CCSER1: variants seen among roughly 807,000 people sequenced by gnomAD.
The protein encoded by CCSER1 is coiled-coil serine rich protein 1, also known as serine-rich coiled-coil domain-containing protein 1.
A neutral mutation model predicts 82.0 loss-of-function variants in CCSER1; 41 were observed. That is an observed-to-expected ratio of 0.50 (90% CI 0.39 to 0.65). The LOEUF is 0.65. CCSER1 is among the 30% of genes least tolerant of loss of function. CCSER1 has a pLI of 0.00. For missense variants in CCSER1, 1,119 were observed against 1,064.2 expected (o/e 1.05, Z -0.72); for synonymous variants, 414 against 383.9 (o/e 1.08, Z -0.92).
At chr4:90,295,564 T>A (rs1157489236) in intron 1 of CCSER1, among the ~76,000 whole-genome samples, 3 of 152,106 alleles carry the variant, frequency 2.0e-5, no homozygotes, top group Admixed American at 2.0e-4. Context: ...GTATTTTAAA[T>A]ATATATTCAT....
chr4:90,621,971 C>G (rs1200828347), intron 5 of CCSER1, among the ~76,000 whole-genome samples: 1 of 152,174 alleles, frequency 6.6e-6, no homozygotes, highest in Non-Finnish European at 1.5e-5. Context: ...ATAATTATTT[C>G]TATTTTGCTT....
intron 5 of CCSER1, among the ~76,000 whole-genome samples, chr4:90,492,163 G>T (rs1366116239): frequency 6.6e-6 from 1 of 151,998 alleles, no homozygotes; most frequent in African/African-American, 2.4e-5. Flanking sequence ...TTTTTTGGTT[G>T]GTAGGCTGTT....
intron 10 of CCSER1, among the ~76,000 whole-genome samples, chr4:91,132,413 T>G (rs1310375605): frequency 6.6e-6 from 1 of 152,196 alleles, no homozygotes; most frequent in Non-Finnish European, 1.5e-5. Flanking sequence ...AAATCGACAC[T>G]GGGATATGCA....
At chr4:91,496,614 A>ATATT (rs1358637665) in intron 10 of CCSER1, among the ~76,000 whole-genome samples, 239 of 17,914 alleles carry the variant, frequency 0.013, 52 homozygotes, top group Middle Eastern at 0.038. Context: ...ATATATATAT[A>ATATT]CACGAATATA....
intron 10 of CCSER1, among the ~76,000 whole-genome samples, chr4:91,206,305 T>C (rs1183547262): frequency 2.0e-5 from 3 of 151,938 alleles, no homozygotes; most frequent in Non-Finnish European, 4.4e-5. Context: ...CATTCTTGTA[T>C]GCTTAACAAC....
chr4:91,479,282 G>A (rs561864739), intron 10 of CCSER1, among the ~76,000 whole-genome samples: 76 of 151,484 alleles, frequency 5.0e-4, no homozygotes, highest in Admixed American at 2.6e-3. Flanking sequence ...AAAGCGATGG[G>A]ATTACATGGA....
chr4:91,408,289 A>C (rs1752822050), intron 10 of CCSER1, among the ~76,000 whole-genome samples: 1 of 152,218 alleles, frequency 6.6e-6, no homozygotes, highest in Admixed American at 6.5e-5. Flanking sequence ...TGTCTATGGA[A>C]ATAGTAAAAT....
chr4:91,571,237 A>G (rs1296410169), intron 10 of CCSER1, among the ~76,000 whole-genome samples: 1 of 152,180 alleles, frequency 6.6e-6, no homozygotes, highest in African/African-American at 2.4e-5. Flanking sequence ...GGACATTCCA[A>G]ACTTTCTCAC....
chr4:91,204,722 A>G (rs1348710643), intron 10 of CCSER1, among the ~76,000 whole-genome samples: 5 of 151,816 alleles, frequency 3.3e-5, no homozygotes, highest in Admixed American at 6.6e-5. Flanking sequence ...TTTTTCTTCA[A>G]CTGAACATCA....
intron 5 of CCSER1, among the ~76,000 whole-genome samples, chr4:90,478,731 C>CT (rs59376887): frequency 0.063 from 8,447 of 133,180 alleles, 288 homozygotes; most frequent in Middle Eastern, 0.11. Flanking sequence ...TTCTTTCTTT[C>CT]TTTTTTTTTT....
intron 1 of CCSER1, among the ~76,000 whole-genome samples, chr4:90,292,157 C>T (rs1304352330): frequency 1.3e-5 from 2 of 151,794 alleles, no homozygotes; most frequent in Non-Finnish European, 2.9e-5. Context: ...TCATTTTGCT[C>T]TTTTTTTCCT....
intron 10 of CCSER1, among the ~76,000 whole-genome samples, chr4:91,120,537 T>TA (rs1726995140): frequency 6.6e-6 from 1 of 152,010 alleles, no homozygotes. Flanking sequence ...AGAGGAAAGC[T>TA]AAAACATGGG....
chr4:90,829,315 A>AT (rs1438198488), intron 8 of CCSER1, among the ~76,000 whole-genome samples: 2 of 152,154 alleles, frequency 1.3e-5, no homozygotes, highest in Non-Finnish European at 2.9e-5. Flanking sequence ...TAAAAAACTG[A>AT]TTTTTTAGAT....
chr4:91,319,691 C>T, intron 10 of CCSER1: 1 of 455,862 alleles, frequency 2.2e-6, no homozygotes, highest in South Asian at 1.5e-5. Context: ...ACTTAGTCTT[C>T]TGATTTCCCT....
At chr4:90,368,909 T>C (rs1746816957) in intron 3 of CCSER1, among the ~76,000 whole-genome samples, 1 of 151,968 alleles carries the variant, frequency 6.6e-6, no homozygotes, top group Admixed American at 6.6e-5. Flanking sequence ...TTGCTGTCTG[T>C]GTCAGAAAGA....
At chr4:91,276,896 A>G (rs1420377909) in intron 10 of CCSER1, among the ~76,000 whole-genome samples, 3 of 152,174 alleles carry the variant, frequency 2.0e-5, no homozygotes, top group East Asian at 1.9e-4. Flanking sequence ...GCTTTTTTAC[A>G]ACTATTGAGA....
At chr4:90,376,898 A>G (rs1748414886) in intron 3 of CCSER1, among the ~76,000 whole-genome samples, 1 of 152,158 alleles carries the variant, frequency 6.6e-6, no homozygotes, top group South Asian at 2.1e-4. Flanking sequence ...GAAGGTAGAG[A>G]TAATGTCTCC....
intron 9 of CCSER1, among the ~76,000 whole-genome samples, chr4:90,985,169 T>G (rs1174566942): frequency 6.6e-6 from 1 of 151,792 alleles, no homozygotes; most frequent in Non-Finnish European, 1.5e-5. Context: ...AATTATCTGT[T>G]AATAAGTGAG....
chr4:90,912,274 A>G (rs1286450451), intron 8 of CCSER1, among the ~76,000 whole-genome samples: 1 of 152,192 alleles, frequency 6.6e-6, no homozygotes, highest in Non-Finnish European at 1.5e-5. Context: ...AAGAACTGGT[A>G]CCACTCTGAG....
Sources: allele counts gnomAD v4.1 joint callset (sites outside exome capture counted in the v4.1 genomes callset), GRCh38; gene constraint gnomAD v4.1.1; transcripts MANE v1.5; gene names NCBI Gene and HGNC (gene_info 2026-07-23, HGNC 2026-07-21).